NUP210: variants seen among roughly 807,000 people sequenced by gnomAD.
NUP210 encodes the protein nucleoporin 210, also known as nuclear pore membrane glycoprotein 210.
NUP210 carries 151 observed loss-of-function variants against 196.0 expected under a neutral mutation model. The ratio of observed to expected loss-of-function variants is 0.77; its 90% CI spans 0.67 to 0.88. The LOEUF (loss-of-function observed/expected upper bound fraction) is 0.88. NUP210 is among the 40% of genes least tolerant of loss of function. NUP210 has a pLI of 0.00. For synonymous variants in NUP210, 1,070 were observed against 1,052.7 expected (o/e 1.02, Z -0.32); for missense variants, 2,314 against 2,493.7 (o/e 0.93, Z 1.53).
At chr3:13,381,934 T>C (rs1699115505) in intron 6 of NUP210, among the ~76,000 whole-genome samples, 1 of 152,068 alleles carries the variant, frequency 6.6e-6, no homozygotes, top group Non-Finnish European at 1.5e-5. Flanking sequence ...TCAAGGATGA[T>C]GGAGAGCTCA....
chr3:13,410,401 C>T (rs1700129643), intron 1 of NUP210, among the ~76,000 whole-genome samples: 1 of 149,672 alleles, frequency 6.7e-6, no homozygotes, highest in Admixed American at 6.6e-5. Context: ...TGGTCTCAAA[C>T]TCCTGACCTC....
intron 6 of NUP210, among the ~76,000 whole-genome samples, chr3:13,380,988 C>T (rs1002348001): frequency 3.3e-5 from 5 of 152,240 alleles, no homozygotes; most frequent in Non-Finnish European, 5.9e-5. Context: ...CTGAATCAAA[C>T]TCCAGGGCTG....
chr3:13,322,739 G>T (rs1449883497), intron 34 of NUP210, among the ~76,000 whole-genome samples: 1 of 152,270 alleles, frequency 6.6e-6, no homozygotes, highest in African/African-American at 2.4e-5. Context: ...ACGGCACAGT[G>T]CTGTCCACTT....
intron 6 of NUP210, among the ~76,000 whole-genome samples, chr3:13,382,184 G>A (rs1356834946): frequency 6.6e-6 from 1 of 152,174 alleles, no homozygotes; most frequent in Non-Finnish European, 1.5e-5. Context: ...CAGCCAGCAT[G>A]CCCTTCCCAC....
intron 25 of NUP210, among the ~76,000 whole-genome samples, chr3:13,338,137 C>T (rs1697304742): frequency 6.6e-6 from 1 of 152,234 alleles, no homozygotes; most frequent in African/African-American, 2.4e-5. Context: ...CCCGCAGGTC[C>T]CAACCCAGTC....
intron 3 of NUP210, among the ~76,000 whole-genome samples, chr3:13,395,516 C>A (rs186306551): frequency 5.3e-4 from 80 of 152,308 alleles, no homozygotes; most frequent in Admixed American, 1.3e-3. Context: ...CAGGGTTTCA[C>A]CATGTTGGCC....
chr3:13,405,470 T>C (rs571117173), intron 1 of NUP210, among the ~76,000 whole-genome samples: 3 of 152,266 alleles, frequency 2.0e-5, no homozygotes, highest in African/African-American at 7.2e-5. Context: ...TAATCCCTTA[T>C]ACTAAACCTC....
chr3:13,384,673 T>C (rs770587048), intron 6 of NUP210, among the ~76,000 whole-genome samples: 9 of 152,274 alleles, frequency 5.9e-5, no homozygotes, highest in Non-Finnish European at 8.8e-5. Flanking sequence ...GACTAGGCTC[T>C]CCAAGCGTCT....
intron 8 of NUP210, among the ~76,000 whole-genome samples, chr3:13,378,123 C>T (rs1698981598): frequency 1.3e-5 from 2 of 152,132 alleles, no homozygotes; most frequent in Admixed American, 1.3e-4. Context: ...TGGGTCTACA[C>T]TCAGAATCCA....
chr3:13,352,428 C>T (rs533085337), intron 18 of NUP210, among the ~76,000 whole-genome samples: 33 of 152,350 alleles, frequency 2.2e-4, no homozygotes, highest in Admixed American at 1.7e-3. Flanking sequence ...GCTTAGAAGA[C>T]GCCACCCCAA....
chr3:13,396,314 C>G (rs540288209), intron 3 of NUP210, among the ~76,000 whole-genome samples: 1 of 151,850 alleles, frequency 6.6e-6, no homozygotes, highest in African/African-American at 2.4e-5. Context: ...AATTTTTTTT[C>G]AAAAACAGGA....
At chr3:13,319,410 AG>A in intron 37 of NUP210, 85 bp from the exon 38 acceptor site, 1 of 1,148,128 alleles carries the variant, frequency 8.7e-7, no homozygotes. Context: ...GTACGTCTAC[AG>A]GGCAGTCCAC....
In NUP210 at chr3:13,359,371, T is replaced by C. The variant is rs370158838; in HGVS notation, c.2154+899A>G. The stretch of plus-strand genomic sequence containing the variant: ...GTATTATTTATTATGATGCTGTTAT[T>C]GTTCTTGTTGTTTTATTGTTTTTCT... On this transcript the variant is annotated intron_variant, in intron 15 of 39. Coordinates refer to ENST00000254508, the MANE Select transcript of NUP210 (RefSeq NM_024923.4). Among the ~76,000 whole-genome samples, 43 of 152,332 alleles carry C rather than the reference T, an allele frequency of 2.8e-4. 4 individuals carry two copies. Among genetic ancestry groups the C allele is most frequent in the South Asian group, 2.5e-3 (12 of 4,826 alleles).
intron 20 of NUP210, among the ~76,000 whole-genome samples, chr3:13,349,153 A>G (rs1272964303): frequency 6.6e-6 from 1 of 152,218 alleles, no homozygotes; most frequent in African/African-American, 2.4e-5. Context: ...GCCTGCTGAC[A>G]TCTGGGAAGA....
rs761349540 is a variant in NUP210 at position 13,352,154 on chromosome 3, T to C, written c.2659A>G (p.Ile887Val). 1.2e-6 allele frequency: 2 copies of C among 1,613,722 alleles called. No homozygotes were observed. The highest frequency in any genetic ancestry group is 2.7e-5 in the African/African-American group (2 of 74,910). ...ACGTCCTCCACCAGGATGAGCTCTA[T>C]GGAGGCCGACAGAGGCACCAGAGGG... ...HDPLVPLSAS[I>V]ELILVEDVRV... The change falls in exon 19 of 40, where the codon ATA (isoleucine) becomes GTA (valine). Residue 887 changes from isoleucine to valine, a missense_variant. Physicochemically the swap from Ile to Val is conservative, Grantham distance 29. Transcript: ENST00000254508.
intron 1 of NUP210, among the ~76,000 whole-genome samples, chr3:13,409,067 C>G (rs1418816324): frequency 6.6e-6 from 1 of 152,208 alleles, no homozygotes; most frequent in Non-Finnish European, 1.5e-5. Context: ...GTCTGTAGGC[C>G]TCCCCTGCCC....
intron 1 of NUP210, among the ~76,000 whole-genome samples, chr3:13,410,052 C>T (rs976199522): frequency 2.0e-5 from 3 of 147,394 alleles, no homozygotes; most frequent in Non-Finnish European, 3.0e-5. Context: ...TTAGTAGAAA[C>T]GGTTTCACCG....
intron 20 of NUP210, chr3:13,344,807 C>T (rs1576366201): frequency 2.4e-6 from 1 of 415,608 alleles, no homozygotes; most frequent in Non-Finnish European, 3.2e-6. Flanking sequence ...CTGCTGCCTG[C>T]CTCCGGGCCT....
intron 20 of NUP210, among the ~76,000 whole-genome samples, 175 bp from the exon 21 acceptor site, chr3:13,343,478 A>T (rs1697603587): frequency 6.6e-6 from 1 of 152,056 alleles, no homozygotes; most frequent in African/African-American, 2.4e-5. Context: ...AAGGGAAATC[A>T]CCCCAAGTAG....
Sources: gnomAD v4.1 joint callset for allele counts (sites outside exome capture counted in the v4.1 genomes callset) on GRCh38, gnomAD v4.1.1 for gene constraint, MANE v1.5 for transcripts, NCBI Gene and HGNC (gene_info 2026-07-23, HGNC 2026-07-21) for gene names.